MYOM2: variants seen among roughly 807,000 people sequenced by gnomAD.
MYOM2 encodes the protein myomesin-2.
Under a neutral mutation model 187.6 loss-of-function variants are expected in MYOM2, and 254 were observed. The observed-to-expected ratio is 1.35, with a 90% CI of 1.22 to 1.50. MYOM2 has a LOEUF of 1.50. MYOM2 is among the 40% of genes most tolerant of loss of function. The pLI is 0.00. For missense variants in MYOM2, 2,796 were observed against 1,924.0 expected (o/e 1.45, Z -8.48); for synonymous variants, 981 against 753.8 (o/e 1.30, Z -4.94).
intron 13 of MYOM2, among the ~76,000 whole-genome samples, chr8:2,084,540 C>T (rs189172707): frequency 5.7e-4 from 87 of 152,222 alleles, no homozygotes; most frequent in African/African-American, 2.0e-3. Context: ...AAACCTCCAC[C>T]TCCACTCCTT....
At chr8:2,110,386 C>T (rs535678650) in intron 25 of MYOM2, among the ~76,000 whole-genome samples, 12 of 152,228 alleles carry the variant, frequency 7.9e-5, no homozygotes, top group Admixed American at 4.6e-4. Context: ...GTTCTGCTTT[C>T]GATTGTATAA....
At chr8:2,067,218 C>T (rs1226462234) in intron 6 of MYOM2, among the ~76,000 whole-genome samples, 2 of 152,180 alleles carry the variant, frequency 1.3e-5, no homozygotes, top group Non-Finnish European at 2.9e-5. Context: ...AATAAAATTA[C>T]TAATGACTTC....
rs1031496687 is a variant in MYOM2, at chr8:2,090,104, T to G, written c.1741T>G (p.Tyr581Asp). ...AVFDLMEGKS[Y>D]VFRVLSANRH... ...GTTTGACCTCATGGAAGGGAAGTCT[T>G]ATGTGTTCCGAGTGCTGTCAGCAAA... The change falls in exon 15 of 37, where the codon TAT becomes GAT. Residue 581 changes from tyrosine (Y) to aspartate (D), a missense_variant. Transcript: ENST00000262113. 8 of 1,613,822 alleles carry G rather than the reference T, an allele frequency of 5.0e-6. No homozygotes were observed. In the Admixed American group the frequency reaches 1.0e-4, roughly 20 times the overall value.
intron 13 of MYOM2, among the ~76,000 whole-genome samples, chr8:2,082,544 C>G (rs887372268): frequency 1.3e-5 from 2 of 152,158 alleles, no homozygotes; most frequent in Non-Finnish European, 2.9e-5. Context: ...CCATTTTAAT[C>G]TTGGGCAATG....
chr8:2,102,544 C>T (rs1796743712), intron 20 of MYOM2, 123 bp from the exon 21 acceptor site: 4 of 600,508 alleles, frequency 6.7e-6, no homozygotes, highest in Non-Finnish European at 1.2e-5. Flanking sequence ...CATTAAGTAT[C>T]ATTTTCCTAA....
intron 21 of MYOM2, among the ~76,000 whole-genome samples, chr8:2,103,619 T>C (rs967100665): frequency 1.3e-5 from 2 of 150,926 alleles, no homozygotes; most frequent in Non-Finnish European, 2.9e-5. Flanking sequence ...TAGAGGTGTA[T>C]GGATAAATGA....
At position 2,140,480 on chromosome 8, in the gene MYOM2, C is replaced by T. The variant is rs140312429; in HGVS notation, c.3801-243C>T. The stretch of plus-strand genomic sequence containing the variant: ...TAGAGTAATGTTAAGTCCATTATGT[C>T]GTGACAAGTATATATTACATAATAA... On this transcript the variant is annotated intron_variant, in intron 32 of 36. Coordinates refer to ENST00000262113, the MANE Select transcript of MYOM2 (RefSeq NM_003970.4). Among the ~76,000 whole-genome samples the T allele has an allele frequency of 4.7e-3, 720 of 152,244 alleles. 14 individuals are homozygous for T. The highest frequency in any genetic ancestry group is 0.045 in the East Asian group (235 of 5,190).
In MYOM2 at chr8:2,069,314, G is replaced by A. The variant is rs1411544881; in HGVS notation, c.690G>A (p.Val230=). 7 of 1,613,568 alleles carry A rather than the reference G, an allele frequency of 4.3e-6. No homozygotes were observed. The Admixed American group carries it at 1.0e-4, about 23-fold the overall frequency. ...ACGACACTGCGACATACTCAGCAGT[G>A]GCCACCAATGCCCACGGACAAGTGT... is the stretch of plus-strand genomic sequence containing the variant. The part of the protein sequence containing the change: ...DFDDTATYSA[V]ATNAHGQVST... Residue 230 remains valine (V), a synonymous_variant, in exon 7 of 37, where the codon GTG becomes GTA. Coordinates refer to ENST00000262113, the MANE Select transcript of MYOM2 (RefSeq NM_003970.4).
At chr8:2,098,678 C>T (rs984585834) in intron 18 of MYOM2, among the ~76,000 whole-genome samples, 179 bp from the exon 19 acceptor site, 2 of 152,194 alleles carry the variant, frequency 1.3e-5, no homozygotes, top group Admixed American at 6.5e-5. Flanking sequence ...CGTAAGGTTT[C>T]ATGCGGCTGC....
intron 32 of MYOM2, among the ~76,000 whole-genome samples, chr8:2,136,014 G>C (rs1798056509): frequency 6.6e-6 from 1 of 152,220 alleles, no homozygotes; most frequent in Non-Finnish European, 1.5e-5. Context: ...CAGACGCAGG[G>C]ACAGCGGGAG....
At chr8:2,103,563 ATGAG>A (rs1298852040) in intron 21 of MYOM2, among the ~76,000 whole-genome samples, 5 of 151,558 alleles carry the variant, frequency 3.3e-5, no homozygotes, top group Admixed American at 2.6e-4. Flanking sequence ...GTATGGATAA[ATGAG>A]TGGGAGAGTG....
intron 35 of MYOM2, among the ~76,000 whole-genome samples, 178 bp downstream of exon 35, chr8:2,142,575 C>G (rs1020843871): frequency 1.3e-5 from 2 of 152,082 alleles, no homozygotes; most frequent in African/African-American, 2.4e-5. Context: ...CACCACTGAT[C>G]CTTGCACTGC....
At position 2,121,865 on chromosome 8, in the gene MYOM2, C is replaced by T. The variant is rs369337321; in HGVS notation, c.3454-1387C>T. On this transcript the variant is annotated intron_variant, in intron 28 of 36. Coordinates refer to ENST00000262113, the MANE Select transcript of MYOM2 (RefSeq NM_003970.4). ...GTAGCCTAAGAGGTGATGTAATCAT[C>T]TTTCCTAGACATTCATGTGCAGTTT... 7.2e-5 allele frequency among the ~76,000 whole-genome samples: 11 copies of T among 152,276 alleles called. No individual in the cohort carries two copies. In the South Asian group the frequency reaches 2.1e-3, roughly 29 times the overall value.
chr8:2,068,629 ATGCACGTG>A (rs1819105993), intron 6 of MYOM2, among the ~76,000 whole-genome samples: 1 of 152,224 alleles, frequency 6.6e-6, no homozygotes, highest in African/African-American at 2.4e-5. Flanking sequence ...CAGCTCTTCA[ATGCACGTG>A]TGCACCAGGA....
chr8:2,071,338 C>T (rs995307932), intron 8 of MYOM2, among the ~76,000 whole-genome samples: 1 of 152,100 alleles, frequency 6.6e-6, no homozygotes, highest in Non-Finnish European at 1.5e-5. Context: ...TGTCTGTAAA[C>T]CATACAGTTT....
At chr8:2,100,141 C>CTTCCTTCCTTCCTTCTTTCT (rs1796652598) in intron 19 of MYOM2, among the ~76,000 whole-genome samples, 4 of 108,978 alleles carry the variant, frequency 3.7e-5, no homozygotes, top group African/African-American at 1.4e-4. Flanking sequence ...TCCTTCCTTC[C>CTTCCTTCCTTCCTTCTTTCT]TTCCTTCCTT....
intron 14 of MYOM2, among the ~76,000 whole-genome samples, chr8:2,087,212 A>T (rs1040957358): frequency 1.2e-4 from 18 of 152,226 alleles, no homozygotes; most frequent in South Asian, 8.3e-4. Context: ...TACAAAATTT[A>T]TATGTAATAT....
In MYOM2 at chr8:2,120,670, AT is replaced by A. The variant is rs1797401282; in HGVS notation, c.3454-2581del. ...AATTTGATTTCCTGTATATATATATATATATTATATTATATATAAATATATA... is the reference window on the plus strand; with the variant it reads ...AATTTGATTTCCTGTATATATATATAATATTATATTATATATAAATATATA... On this transcript the variant is annotated intron_variant, in intron 28 of 36. Transcript: ENST00000262113. Among the ~76,000 whole-genome samples the A allele has an allele frequency of 3.8e-4, 7 of 18,660 alleles. 1 individual carries two copies. The highest frequency in any genetic ancestry group is 2.8e-3 in the South Asian group (3 of 1,062). 12.2% of individuals were successfully genotyped at this position (18,660 alleles called of 152,430 possible). A position where few individuals can be genotyped will look rare whatever the true frequency, so the allele number is the denominator to read the frequency against.
At chr8:2,143,598 C>T (rs35140981) in intron 36 of MYOM2, 142 bp downstream of exon 36, 127,732 of 949,650 alleles carry the variant, frequency 0.13, 9,662 homozygotes, top group East Asian at 0.2. Flanking sequence ...GAGTCCCCCC[C>T]ACTTTTCTGC....
Sources: gnomAD v4.1 joint callset for allele counts (sites outside exome capture counted in the v4.1 genomes callset) on GRCh38, gnomAD v4.1.1 for gene constraint, MANE v1.5 for transcripts, NCBI Gene and HGNC (gene_info 2026-07-23, HGNC 2026-07-21) for gene names.